AFG3L2: variants seen among roughly 807,000 people sequenced by gnomAD.
The protein encoded by AFG3L2 is AFG3 like matrix AAA peptidase subunit 2, also known as mitochondrial inner membrane m-AAA protease component AFG3L2.
A neutral mutation model predicts 94.5 loss-of-function variants in AFG3L2; 54 were observed. That is an observed-to-expected ratio of 0.57 (90% CI 0.46 to 0.72). The LOEUF is 0.72. Among genes scored for constraint, AFG3L2 ranks in the 30% least tolerant of loss-of-function variants. AFG3L2 has a pLI of 0.00. For synonymous variants in AFG3L2, 377 were observed against 365.5 expected (o/e 1.03, Z -0.36); for missense variants, 754 against 994.9 (o/e 0.76, Z 3.26).
At chr18:12,356,974 A>G in intron 8 of AFG3L2, 143 bp from the exon 9 acceptor site, 1 of 839,734 alleles carries the variant, frequency 1.2e-6, no homozygotes, top group Non-Finnish European at 1.8e-6. Flanking sequence ...GAGCTATGGT[A>G]GAACATTTTT....
At chr18:12,330,510 G>C (rs1464558289) in intron 16 of AFG3L2, among the ~76,000 whole-genome samples, 1 of 152,116 alleles carries the variant, frequency 6.6e-6, no homozygotes, top group Non-Finnish European at 1.5e-5. Flanking sequence ...AAGTGCAGTG[G>C]CTCACACCTG....
rs547065923 is a variant in AFG3L2 at position 12,329,490 on chromosome 18, T to TC, written c.*74dup. The TC allele has an allele frequency of 9.1e-5, 135 of 1,475,596 alleles. No homozygotes were observed. The African/African-American group carries it at 1.7e-3, about 19-fold the overall frequency. 91.4% of individuals were successfully genotyped at this position (1,475,596 alleles called of 1,614,324 possible). A position where few individuals can be genotyped will look rare whatever the true frequency, so the allele number is the denominator to read the frequency against. On this transcript the variant is annotated 3_prime_UTR_variant, in exon 17 of 17. Transcript: ENST00000269143. ...AAAATCAGCGCAGCATTCCCATTCT[T>TC]CTGAAAGCCACAGCTGAAATAATGC...
chr18:12,337,497 G>T lies in AFG3L2; in HGVS notation c.2019C>A (p.Ile673=). 1 of 1,614,230 alleles carries T rather than the reference G, an allele frequency of 6.2e-7. No homozygotes were observed. The highest frequency in any genetic ancestry group is 8.5e-7 in the Non-Finnish European group (1 of 1,180,038). ...CCCCCTGACGTGGGAGGTCAAAGGAGATTTGCCCAACCTTTTCATTCATGC... is the reference window on the plus strand; with the variant it reads ...CCCCCTGACGTGGGAGGTCAAAGGATATTTGCCCAACCTTTTCATTCATGC... ...QFGMNEKVGQ[I]SFDLPRQGDM... The change falls in exon 16 of 17, where the codon ATC becomes ATA. Residue 673 remains isoleucine (I), a synonymous_variant. Coordinates refer to ENST00000269143, the MANE Select transcript of AFG3L2 (RefSeq NM_006796.3).
chr18:12,373,785 C>T (rs1909061597), intron 1 of AFG3L2, among the ~76,000 whole-genome samples: 1 of 152,062 alleles, frequency 6.6e-6, no homozygotes, highest in Non-Finnish European at 1.5e-5. Context: ...GGAACTTCTA[C>T]TTTATAACAA....
rs1315384530 is a variant in AFG3L2, at chr18:12,331,797, G to GTAAA, written c.2176-2018_2176-2015dup. Among the ~76,000 whole-genome samples the GTAAA allele has an allele frequency of 5.8e-3, 515 of 88,340 alleles. 5 individuals carry two copies. The highest frequency in any genetic ancestry group is 0.019 in the African/African-American group (484 of 24,842). The allele number at this position is 88,340 out of a possible 152,430, so 58.0% of individuals were successfully genotyped here. Reference sequence around the variant, plus strand: ...CAACAGAGGGAGAGTCTGTCTAAAAGTAAATAAATAAATATATATATATAT... The same window carrying GTAAA: ...CAACAGAGGGAGAGTCTGTCTAAAAGTAAATAAATAAATAAATATATATATATAT... On this transcript the variant is annotated intron_variant, in intron 16 of 16. Transcript: ENST00000269143.
At chr18:12,358,129 T>C (rs1471395238) in intron 8 of AFG3L2, among the ~76,000 whole-genome samples, 1 of 152,226 alleles carries the variant, frequency 6.6e-6, no homozygotes, top group Non-Finnish European at 1.5e-5. Context: ...TTAACAAATA[T>C]GAAGTTAATG....
chr18:12,348,265 T>G lies in AFG3L2; in HGVS notation c.1663+8A>C. The G allele has an allele frequency of 6.2e-7, 1 of 1,606,234 alleles. No homozygotes were observed. The stretch of plus-strand genomic sequence containing the variant: ...CCTTTCCACTTGAGTTATGTTCAGT[T>G]TCCTTACCACCAATCACTCGTTCAA... On this transcript the variant is annotated splice_region_variant and intron_variant, in intron 13 of 16. Coordinates refer to ENST00000269143, the MANE Select transcript of AFG3L2 (RefSeq NM_006796.3).
Position 12,337,388 on chromosome 18 carries a change from T to C in AFG3L2, c.2128A>G (p.Lys710Glu). 1 of 1,614,254 alleles carries C rather than the reference T, an allele frequency of 6.2e-7. No individual in the cohort carries two copies. The highest frequency in any genetic ancestry group is 1.1e-5 in the South Asian group (1 of 91,090). Reference sequence around the variant, plus strand: ...TCTGTGAGAAGAGCTACTGTTCTTTTATAAGCATCATTAATAAGTATTCGT... The same window carrying C: ...TCTGTGAGAAGAGCTACTGTTCTTTCATAAGCATCATTAATAAGTATTCGT... ...EVRILINDAY[K>E]RTVALLTEKK... The change falls in exon 16 of 17, where the codon AAA becomes GAA. Residue 710 changes from lysine to glutamate, a missense_variant. Coordinates refer to ENST00000269143, the MANE Select transcript of AFG3L2 (RefSeq NM_006796.3).
intron 15 of AFG3L2, among the ~76,000 whole-genome samples, chr18:12,338,226 C>T (rs373145640): frequency 6.6e-6 from 1 of 152,204 alleles, no homozygotes; most frequent in Non-Finnish European, 1.5e-5. Flanking sequence ...TATGAGCCAC[C>T]GTGCCCAGCC....
At chr18:12,360,308 CAG>C (rs1481318594) in intron 6 of AFG3L2, 1 of 437,366 alleles carries the variant, frequency 2.3e-6, no homozygotes, top group East Asian at 4.2e-5. Flanking sequence ...ACTCAAAAAA[CAG>C]AATGAAAAAC....
chr18:12,377,125 G>A lies in AFG3L2; in HGVS notation c.-43C>T. ...TCTCGGCCCGGGACGCTGCGCAGGC[G>A]CGGGCAGGCGACGACTGGCGGCCTC... On this transcript the variant is annotated 5_prime_UTR_variant, in exon 1 of 17. Transcript: ENST00000269143. 3.8e-6 allele frequency: 5 copies of A among 1,322,906 alleles called. No individual in the cohort carries two copies. The highest frequency in any genetic ancestry group is 4.9e-6 in the Non-Finnish European group (5 of 1,017,224). 81.9% of individuals were successfully genotyped at this position (1,322,906 alleles called of 1,614,324 possible). A position where few individuals can be genotyped will look rare whatever the true frequency, so the allele number is the denominator to read the frequency against.
At position 12,367,278 on chromosome 18, in the gene AFG3L2, T is replaced by G. The variant is rs764723311; in HGVS notation, c.397A>C (p.Lys133Gln). The G allele has an allele frequency of 6.8e-6, 11 of 1,614,074 alleles. No homozygotes were observed. The highest frequency in any genetic ancestry group is 8.5e-6 in the Non-Finnish European group (10 of 1,180,040). The change falls in exon 4 of 17, where the codon AAG (lysine) becomes CAG (glutamine). Residue 133 changes from lysine to glutamine, a missense_variant and splice_region_variant. By Grantham distance (53) the Lys-to-Gln change is moderately conservative. Coordinates refer to ENST00000269143, the MANE Select transcript of AFG3L2 (RefSeq NM_006796.3). ...DDSHWWSRFQ[K>Q]GDIPWDDKDF... Reference sequence around the variant, plus strand: ...TCACACAATGTATAGCATCAAACCTTCTGAAACCTGGACCACCAGTGAGAA... The same window carrying G: ...TCACACAATGTATAGCATCAAACCTGCTGAAACCTGGACCACCAGTGAGAA...
chr18:12,351,346 C>T lies in AFG3L2; in HGVS notation c.1386G>A (p.Ala462=). ...TGTCGAAACGCCCCGGCCTAAGCAG[C>T]GCGGGGTCCAGGATATCTGGTCGAT... The part of the protein sequence containing the change: ...GTNRPDILDP[A]LLRPGRFDRQ... Residue 462 remains alanine, a synonymous_variant, in exon 11 of 17, where the codon GCG becomes GCA. Transcript: ENST00000269143. 6.2e-6 allele frequency: 10 copies of T among 1,614,132 alleles called. No homozygotes were observed. The highest frequency in any genetic ancestry group is 8.5e-6 in the Non-Finnish European group (10 of 1,180,024).
chr18:12,375,449 T>C (rs892919816), intron 1 of AFG3L2, among the ~76,000 whole-genome samples: 28 of 149,532 alleles, frequency 1.9e-4, no homozygotes, highest in Admixed American at 1.6e-3. Flanking sequence ...GGCCAGGAGC[T>C]GTGGCTCAGG....
chr18:12,354,187 TG>T (rs1908420024), intron 9 of AFG3L2, among the ~76,000 whole-genome samples: 1 of 139,682 alleles, frequency 7.2e-6, no homozygotes, highest in Non-Finnish European at 1.5e-5. Flanking sequence ...CCTGGATTTC[TG>T]GATGTTCATT....
rs745582483 is a variant in AFG3L2, at chr18:12,377,026, T to C, written c.57A>G (p.Leu19=). 4.1e-6 allele frequency: 6 copies of C among 1,448,284 alleles called. No individual in the cohort carries two copies. Among genetic ancestry groups the C allele is most frequent in the South Asian group, 2.7e-5 (2 of 74,684 alleles). The allele number at this position is 1,448,284 out of a possible 1,614,324, so 89.7% of individuals were successfully genotyped here. A position where few individuals can be genotyped will look rare whatever the true frequency, so the allele number is the denominator to read the frequency against. ...CGCCGCCAGGCACGAGGAGCTGCTG[T>C]AGGCCGCGGGGCCAGCAGCCGCCCC... ...WGRGGCWPRG[L]QQLLVPGGVG... Residue 19 remains leucine (L), a synonymous_variant, in exon 1 of 17, where the codon CTA becomes CTG. Coordinates refer to ENST00000269143, the MANE Select transcript of AFG3L2 (RefSeq NM_006796.3).
At chr18:12,335,645 G>C (rs1416095998) in intron 16 of AFG3L2, among the ~76,000 whole-genome samples, 1 of 152,306 alleles carries the variant, frequency 6.6e-6, no homozygotes, top group East Asian at 1.9e-4. Context: ...TCCACCACCT[G>C]CAAGTGCAGC....
At position 12,358,827 on chromosome 18, in the gene AFG3L2, C is replaced by A. The variant is rs534930122; in HGVS notation, c.869G>T (p.Ser290Ile). ...RTGRGMGGLFSVGETTAKVLK... is the reference protein window; with the variant it reads ...RTGRGMGGLFIVGETTAKVLK... ...GACCTTGGCAGTGGTTTCTCCGACA[C>A]TGAAGAGTCCGCCCATCCCTCGGCC... Residue 290 changes from serine (S) to isoleucine (I), a missense_variant, in exon 8 of 17, where the codon AGT (serine) becomes ATT (isoleucine). By Grantham distance (142) the Ser-to-Ile change is moderately radical (BLOSUM62 -2). Coordinates refer to ENST00000269143, the MANE Select transcript of AFG3L2 (RefSeq NM_006796.3). 6.2e-7 allele frequency: 1 copy of A among 1,614,160 alleles called. No homozygotes were observed. The highest frequency in any genetic ancestry group is 1.3e-5 in the African/African-American group (1 of 74,956).
intron 1 of AFG3L2, among the ~76,000 whole-genome samples, chr18:12,374,439 T>G (rs1909080813): frequency 6.6e-6 from 1 of 152,176 alleles, no homozygotes; most frequent in African/African-American, 2.4e-5. Context: ...GTCTCTGATC[T>G]TTAAGGGTAG....
Sources: allele counts gnomAD v4.1 joint callset (sites outside exome capture counted in the v4.1 genomes callset), GRCh38; gene constraint gnomAD v4.1.1; transcripts MANE v1.5; gene names NCBI Gene and HGNC (gene_info 2026-07-23, HGNC 2026-07-21).